The following ERC2 variants were observed in gnomAD, a reference collection of about 807,000 sequenced individuals.
The protein encoded by ERC2 is ERC protein 2.
ERC2 carries 42 observed loss-of-function variants against 114.8 expected under a neutral mutation model. The observed-to-expected ratio is 0.37, with a 90% CI of 0.29 to 0.47. The LOEUF (loss-of-function observed/expected upper bound fraction) is 0.47, where lower values mean the gene tolerates loss of function less well. Among genes scored for constraint, ERC2 ranks in the 20% least tolerant of loss-of-function variants. ERC2 has a pLI of 0.99. For synonymous variants in ERC2, 454 were observed against 425.5 expected, an observed-to-expected ratio of 1.07 and a Z score of -0.82; for missense variants, 939 against 1,150.7, an observed-to-expected ratio of 0.82 and a Z score of 2.66.
At chr3:55,581,680 C>T (rs576560306) in intron 17 of ERC2, among the ~76,000 whole-genome samples, 4 of 152,244 alleles carry the variant, frequency 2.6e-5, no homozygotes, top group South Asian at 2.1e-4. Context: ...TGATATGCAA[C>T]GTTTCAAATG....
At chr3:55,668,500 C>T (rs1387101301) in intron 17 of ERC2, among the ~76,000 whole-genome samples, 3 of 152,220 alleles carry the variant, frequency 2.0e-5, no homozygotes, top group Admixed American at 6.5e-5. Context: ...TTATGCTCAT[C>T]GTCATGACTT....
chr3:56,324,593 C>T lies in ERC2; in HGVS notation c.658-28158G>A, dbSNP rs115579934. Among the ~76,000 whole-genome samples, 1,378 of 152,182 alleles carry T rather than the reference C, an allele frequency of 9.1e-3. 19 individuals carry two copies. The highest frequency in any genetic ancestry group is 0.03 in the African/African-American group (1,258 of 41,518). The stretch of plus-strand genomic sequence containing the variant: ...CCACTGTAGGTAAGGGTCTAACGGG[C>T]CTTCATGCATCTTCAAGGTCAGGCT... On this transcript the variant is annotated intron_variant, in intron 2 of 17. Coordinates refer to ENST00000288221, the MANE Select transcript of ERC2 (RefSeq NM_015576.3).
At chr3:55,683,432 C>T (rs947128175) in intron 17 of ERC2, among the ~76,000 whole-genome samples, 1 of 152,174 alleles carries the variant, frequency 6.6e-6, no homozygotes, top group African/African-American at 2.4e-5. Context: ...AGCAAGCAGT[C>T]GGCTGAAAAC....
intron 14 of ERC2, among the ~76,000 whole-genome samples, chr3:55,826,001 A>AGGAG (rs549199159): frequency 7.1e-5 from 10 of 141,832 alleles, no homozygotes; most frequent in Non-Finnish European, 1.1e-4. Context: ...GAGGGAGGGA[A>AGGAG]GGAGGGAGGG....
intron 2 of ERC2, among the ~76,000 whole-genome samples, chr3:56,317,232 A>G (rs898883586): frequency 6.6e-6 from 1 of 152,238 alleles, no homozygotes; most frequent in Non-Finnish European, 1.5e-5. Context: ...TGAGGCCTAG[A>G]ACAAGGAAGA....
intron 3 of ERC2, among the ~76,000 whole-genome samples, chr3:56,249,495 T>A (rs1433803297): frequency 6.6e-6 from 1 of 151,604 alleles, no homozygotes; most frequent in African/African-American, 2.4e-5. Context: ...CCAGCTAATT[T>A]TTTTGTATTT....
intron 14 of ERC2, among the ~76,000 whole-genome samples, chr3:55,796,000 G>A (rs1469011219): frequency 6.6e-6 from 1 of 152,178 alleles, no homozygotes; most frequent in African/African-American, 2.4e-5. Flanking sequence ...AATGAAAAAT[G>A]CATAGTTACA....
At chr3:56,375,614 A>G (rs530823891) in intron 2 of ERC2, among the ~76,000 whole-genome samples, 1 of 152,308 alleles carries the variant, frequency 6.6e-6, no homozygotes, top group South Asian at 2.1e-4. Context: ...AGGTAGAGGA[A>G]CATACAACGA....
intron 1 of ERC2, among the ~76,000 whole-genome samples, chr3:56,438,642 G>T (rs1360827952): frequency 6.6e-6 from 1 of 152,120 alleles, no homozygotes; most frequent in African/African-American, 2.4e-5. Flanking sequence ...TAGATGTCTG[G>T]GTTCTAACTG....
intron 15 of ERC2, among the ~76,000 whole-genome samples, chr3:55,714,290 A>T (rs2063951702): frequency 6.6e-6 from 1 of 152,142 alleles, no homozygotes; most frequent in African/African-American, 2.4e-5. Context: ...AATTTAACAT[A>T]TGTCTACCCT....
chr3:56,200,732 G>A (rs933871434), intron 3 of ERC2, among the ~76,000 whole-genome samples: 15 of 152,202 alleles, frequency 9.9e-5, no homozygotes, highest in African/African-American at 1.4e-4. Context: ...GAAGGAAGCC[G>A]TCTGTGTTTG....
intron 17 of ERC2, among the ~76,000 whole-genome samples, chr3:55,663,776 T>C (rs2061240378): frequency 6.6e-6 from 1 of 152,240 alleles, no homozygotes; most frequent in African/African-American, 2.4e-5. Context: ...ATTAACTAAG[T>C]GGCTAAGTAA....
chr3:56,360,199 A>C (rs11924629), intron 2 of ERC2, among the ~76,000 whole-genome samples: 35,222 of 148,012 alleles, frequency 0.24, 4,666 homozygotes, highest in Admixed American at 0.3. Flanking sequence ...ACAGGCACCC[A>C]CCACCACACC....
intron 14 of ERC2, among the ~76,000 whole-genome samples, chr3:55,859,215 C>G (rs1333222073): frequency 6.6e-6 from 1 of 152,146 alleles, no homozygotes; most frequent in African/African-American, 2.4e-5. Flanking sequence ...TACTGGACTT[C>G]CTGGATGGGG....
intron 14 of ERC2, among the ~76,000 whole-genome samples, chr3:55,875,690 T>TCACACA (rs71621803): frequency 1.6e-3 from 225 of 144,720 alleles, no homozygotes; most frequent in South Asian, 8.2e-3. Flanking sequence ...CTAAACTCAT[T>TCACACA]CACACACACA....
At chr3:56,466,026 G>A (rs2063528111) in intron 1 of ERC2, among the ~76,000 whole-genome samples, 1 of 152,224 alleles carries the variant, frequency 6.6e-6, no homozygotes, top group African/African-American at 2.4e-5. Flanking sequence ...ACTAAACTGT[G>A]GCAAGATACT....
chr3:55,526,247 T>G (rs1308898383), intron 17 of ERC2, among the ~76,000 whole-genome samples: 1 of 152,190 alleles, frequency 6.6e-6, no homozygotes, highest in African/African-American at 2.4e-5. Flanking sequence ...GATTTTGGAC[T>G]TCTGGCCTCC....
intron 14 of ERC2, among the ~76,000 whole-genome samples, chr3:55,832,531 A>T (rs947900953): frequency 3.3e-5 from 5 of 152,240 alleles, no homozygotes; most frequent in African/African-American, 1.2e-4. Context: ...ACTCCAACAG[A>T]CCTGCAGCTG....
intron 12 of ERC2, among the ~76,000 whole-genome samples, chr3:55,978,729 G>A (rs1185368061): frequency 1.3e-5 from 2 of 152,194 alleles, no homozygotes; most frequent in African/African-American, 4.8e-5. Context: ...AGGAAGTACT[G>A]TGTCCCAAGT....
Sources: gnomAD v4.1 joint callset for allele counts (sites outside exome capture counted in the v4.1 genomes callset) on GRCh38, gnomAD v4.1.1 for gene constraint, MANE v1.5 for transcripts, NCBI Gene and HGNC (gene_info 2026-07-23, HGNC 2026-07-21) for gene names.